VAT1L: variants seen among roughly 807,000 people sequenced by gnomAD.
VAT1L encodes the protein putative NADPH-dependent quinone oxidoreductase VAT1L.
Under a neutral mutation model 44.1 loss-of-function variants are expected in VAT1L, and 34 were observed. The observed-to-expected ratio is 0.77, with a 90% CI of 0.59 to 1.03. VAT1L has a LOEUF of 1.03. Among genes scored for constraint, VAT1L ranks in the 50% least tolerant of loss-of-function variants. The pLI is 0.00. For synonymous variants in VAT1L, 253 were observed against 202.2 expected (o/e 1.25, Z -2.13); for missense variants, 615 against 538.8 (o/e 1.14, Z -1.40).
At chr16:77,859,433 G>A (rs374006795) in intron 3 of VAT1L, among the ~76,000 whole-genome samples, 90 of 152,288 alleles carry the variant, frequency 5.9e-4, no homozygotes, top group African/African-American at 2.1e-3. Context: ...TTGGAAAAGC[G>A]GAGGAAATAA....
chr16:77,822,511 C>A (rs1165327529), intron 2 of VAT1L, among the ~76,000 whole-genome samples: 2 of 152,102 alleles, frequency 1.3e-5, no homozygotes, highest in African/African-American at 4.8e-5. Context: ...TCCAAGAAAT[C>A]TAGGGTCATT....
intron 4 of VAT1L, among the ~76,000 whole-genome samples, chr16:77,867,534 C>T (rs1329698785): frequency 6.6e-6 from 1 of 151,942 alleles, no homozygotes; most frequent in East Asian, 1.9e-4. Flanking sequence ...CCTGTAAACC[C>T]ATTAGAAACT....
At chr16:77,891,868 C>T (rs565581043) in intron 7 of VAT1L, among the ~76,000 whole-genome samples, 62 of 152,234 alleles carry the variant, frequency 4.1e-4, no homozygotes, top group Non-Finnish European at 6.2e-4. Context: ...GTCAGGAGAT[C>T]GAGACCACCC....
intron 7 of VAT1L, among the ~76,000 whole-genome samples, chr16:77,888,130 G>A (rs2017227437): frequency 6.6e-6 from 1 of 152,182 alleles, no homozygotes; most frequent in African/African-American, 2.4e-5. Context: ...GTACAGAGAA[G>A]CCTTCCCCAG....
intron 6 of VAT1L, among the ~76,000 whole-genome samples, chr16:77,883,358 C>T (rs954042476): frequency 2.6e-5 from 4 of 152,138 alleles, no homozygotes; most frequent in African/African-American, 9.7e-5. Flanking sequence ...TCTAGGTTTC[C>T]AGTGGATTAT....
At chr16:77,970,788 A>T (rs1327924004) in intron 7 of VAT1L, among the ~76,000 whole-genome samples, 1 of 152,256 alleles carries the variant, frequency 6.6e-6, no homozygotes, top group African/African-American at 2.4e-5. Context: ...GTTGTTATCC[A>T]AATGTGTAGA....
intron 7 of VAT1L, among the ~76,000 whole-genome samples, chr16:77,962,371 T>TCC (rs1282515633): frequency 1.3e-5 from 2 of 152,010 alleles, no homozygotes; most frequent in Non-Finnish European, 2.9e-5. Context: ...TGCATGGCTG[T>TCC]CCCTTTGGCT....
At chr16:77,880,473 T>A (rs1274553402) in intron 6 of VAT1L, among the ~76,000 whole-genome samples, 2 of 151,816 alleles carry the variant, frequency 1.3e-5, no homozygotes, top group East Asian at 1.9e-4. Context: ...CTTAGTTTTT[T>A]AAATATCATT....
intron 7 of VAT1L, among the ~76,000 whole-genome samples, chr16:77,963,231 C>A (rs556182992): frequency 1.3e-5 from 2 of 152,292 alleles, no homozygotes; most frequent in Admixed American, 1.3e-4. Context: ...GAAAAACGGA[C>A]TTTGCCGATG....
chr16:77,796,553 C>T (rs2145207447), intron 1 of VAT1L, among the ~76,000 whole-genome samples: 1 of 152,344 alleles, frequency 6.6e-6, no homozygotes, highest in East Asian at 1.9e-4. Flanking sequence ...GCACTTTCAA[C>T]TTATCTACTT....
At chr16:77,844,897 G>C (rs2016743888) in intron 3 of VAT1L, among the ~76,000 whole-genome samples, 1 of 152,172 alleles carries the variant, frequency 6.6e-6, no homozygotes. Context: ...TGCTATCATA[G>C]AGAATATCAG....
chr16:77,971,748 G>C, intron 7 of VAT1L, 102 bp from the exon 8 acceptor site: 3 of 1,236,690 alleles, frequency 2.4e-6, no homozygotes, highest in Non-Finnish European at 3.4e-6. Context: ...GAGCCGCAGC[G>C]CCCTCTGGTG....
intron 7 of VAT1L, among the ~76,000 whole-genome samples, chr16:77,907,586 C>G (rs2017451622): frequency 6.6e-6 from 1 of 151,658 alleles, no homozygotes; most frequent in Admixed American, 6.6e-5. Context: ...TCCTATGTAC[C>G]CCCAGCACTC....
chr16:77,951,935 A>T (rs924456565), intron 7 of VAT1L, among the ~76,000 whole-genome samples: 16 of 152,180 alleles, frequency 1.1e-4, no homozygotes. Flanking sequence ...CCTTTGAAAC[A>T]AAAGGTAGAG....
At chr16:77,945,780 T>C (rs2017953670) in intron 7 of VAT1L, among the ~76,000 whole-genome samples, 1 of 151,220 alleles carries the variant, frequency 6.6e-6, no homozygotes, top group Non-Finnish European at 1.5e-5. Context: ...TTTGTTTTGT[T>C]TTCTTTAGTG....
rs2016681222 is a variant in VAT1L, at chr16:77,839,550, A to AG, written c.579+14089_579+14090insG. On this transcript the variant is annotated intron_variant, in intron 3 of 8. Coordinates refer to ENST00000302536, the MANE Select transcript of VAT1L (RefSeq NM_020927.3). ...TACTCCATATCAAAAAAAAAAAAAA[A>AG]AAAAAAAAAAAAAAAAAAAAGAATG... is the stretch of plus-strand genomic sequence containing the variant. Among the ~76,000 whole-genome samples the AG allele has an allele frequency of 2.9e-5, 4 of 139,044 alleles. 1 individual carries two copies. Among genetic ancestry groups the AG allele is most frequent in the African/African-American group, 1.1e-4 (4 of 36,286 alleles). 91.2% of individuals were successfully genotyped at this position (139,044 alleles called of 152,430 possible).
intron 4 of VAT1L, 42 bp from the exon 5 acceptor site, chr16:77,876,328 C>G (rs1303641465): frequency 6.4e-7 from 1 of 1,555,896 alleles, no homozygotes; most frequent in South Asian, 1.1e-5. Context: ...AGTCTGGCTC[C>G]TGACAGGTCA....
chr16:77,942,675 A>G (rs901226488), intron 7 of VAT1L, among the ~76,000 whole-genome samples: 1 of 152,194 alleles, frequency 6.6e-6, no homozygotes, highest in Admixed American at 6.5e-5. Flanking sequence ...GGTCACTTAC[A>G]TGTGCAGATA....
chr16:77,940,710 T>C (rs1430671045), intron 7 of VAT1L, among the ~76,000 whole-genome samples: 2 of 152,154 alleles, frequency 1.3e-5, no homozygotes, highest in Non-Finnish European at 2.9e-5. Context: ...ACATCCATAA[T>C]TAATTTAAAA....
Sources: gnomAD v4.1 joint callset for allele counts (sites outside exome capture counted in the v4.1 genomes callset) on GRCh38, gnomAD v4.1.1 for gene constraint, MANE v1.5 for transcripts, NCBI Gene and HGNC (gene_info 2026-07-23, HGNC 2026-07-21) for gene names.